Variants in SHROOM4 observed in about 807,000 individuals in gnomAD.
The protein encoded by SHROOM4 is shroom family member 4.
A neutral mutation model predicts 80.3 loss-of-function variants in SHROOM4; 17 were observed. The observed-to-expected ratio is 0.21, with a 90% CI of 0.14 to 0.32. The LOEUF (loss-of-function observed/expected upper bound fraction) is 0.32. Ranked by LOEUF, SHROOM4 falls within the 10% of genes least tolerant of loss-of-function variation. SHROOM4 has a pLI of 1.00. For synonymous variants in SHROOM4, 400 were observed against 437.5 expected (o/e 0.91, Z 1.07); for missense variants, 993 against 1,140.3 (o/e 0.87, Z 1.86).
Position 50,592,586 on chromosome X carries a change from G to A in SHROOM4, c.*4109C>T, listed in dbSNP as rs1173103471. Reference sequence around the variant, plus strand: ...GGAATGTGAACAGAATATGGATCACGAAAAAAGAAAGCTTTTCAATGTCAG... The same window carrying A: ...GGAATGTGAACAGAATATGGATCACAAAAAAAGAAAGCTTTTCAATGTCAG... On this transcript the variant is annotated 3_prime_UTR_variant, in exon 9 of 9. Coordinates refer to ENST00000376020, the MANE Select transcript of SHROOM4 (RefSeq NM_020717.5). 1.6e-5 allele frequency: 2 copies of A among 125,296 alleles called. No homozygotes were observed. Among genetic ancestry groups the A allele is most frequent in the South Asian group, 4.9e-4 (2 of 4,085 alleles). The allele number at this position is 125,296 out of a possible 1,213,427, so 10.3% of individuals were successfully genotyped here. A position where few individuals can be genotyped will look rare whatever the true frequency, so the allele number is the denominator to read the frequency against.
chrX:50,743,619 C>T (rs1333820109), intron 1 of SHROOM4, among the ~76,000 whole-genome samples: 1 of 109,489 alleles, frequency 9.1e-6, no homozygotes, highest in South Asian at 4.1e-4. Context: ...CACTACACCC[C>T]GCTAATTTTA....
chrX:50,641,056 GC>G (rs1476200416), intron 2 of SHROOM4, among the ~76,000 whole-genome samples: 1 of 112,480 alleles, frequency 8.9e-6, no homozygotes, highest in Non-Finnish European at 1.9e-5. Context: ...TGCCTGGAAT[GC>G]CCCCTCTCCT....
intron 5 of SHROOM4, among the ~76,000 whole-genome samples, chrX:50,611,031 T>C (rs1450655459): frequency 1.8e-5 from 2 of 111,248 alleles, no homozygotes; most frequent in East Asian, 5.6e-4. Context: ...AAGGGCCCAT[T>C]GAGTATATTT....
chrX:50,790,298 A>T (rs1935829147), intron 1 of SHROOM4, among the ~76,000 whole-genome samples: 1 of 111,730 alleles, frequency 9.0e-6, no homozygotes, highest in African/African-American at 3.3e-5. Context: ...AAGGAGACTG[A>T]ATTAGTAAAT....
At chrX:50,785,736 T>C (rs1298110956) in intron 1 of SHROOM4, among the ~76,000 whole-genome samples, 1 of 111,484 alleles carries the variant, frequency 9.0e-6, no homozygotes, top group Non-Finnish European at 1.9e-5. Flanking sequence ...ATCTTAATTA[T>C]GGTAATAGTT....
intron 1 of SHROOM4, among the ~76,000 whole-genome samples, chrX:50,804,442 T>TTCATTTCCC (rs1242837081): frequency 1.4e-4 from 16 of 112,067 alleles, no homozygotes; most frequent in African/African-American, 4.5e-4. Flanking sequence ...TGCATCAAAT[T>TTCATTTCCC]TCATTTCCCT....
intron 6 of SHROOM4, among the ~76,000 whole-genome samples, chrX:50,606,216 T>C (rs1487763953): frequency 9.5e-6 from 1 of 105,638 alleles, no homozygotes; most frequent in Non-Finnish European, 1.9e-5. Context: ...TGTCTCCCAA[T>C]GCTATCCCTC....
At chrX:50,610,352 T>TCTCTCTCTCACACACACACACACACACA (rs782591424) in intron 5 of SHROOM4, among the ~76,000 whole-genome samples, 52 of 91,705 alleles carry the variant, frequency 5.7e-4, no homozygotes, top group African/African-American at 2.0e-3. Flanking sequence ...TCTCTCTCTC[T>TCTCTCTCTCACACACACACACACACACA]CACACACACA....
chrX:50,674,645 A>G (rs1932833627), intron 2 of SHROOM4, among the ~76,000 whole-genome samples: 2 of 111,832 alleles, frequency 1.8e-5, no homozygotes, highest in African/African-American at 6.5e-5. Flanking sequence ...AGAAAAAAAT[A>G]GGAGAAAAAA....
chrX:50,789,808 T>G (rs1935819235), intron 1 of SHROOM4, among the ~76,000 whole-genome samples: 1 of 111,954 alleles, frequency 8.9e-6, no homozygotes, highest in South Asian at 3.7e-4. Context: ...AGAGAAGACA[T>G]TACAACTGAT....
chrX:50,697,129 CAG>C (rs1362394879), intron 1 of SHROOM4, among the ~76,000 whole-genome samples: 3 of 111,657 alleles, frequency 2.7e-5, no homozygotes, highest in Non-Finnish European at 5.6e-5. Flanking sequence ...TTTCTAGCCT[CAG>C]GGGCAGAAAT....
rs1165511194 is a variant in SHROOM4 at position 50,755,227 on chromosome X, C to T, written c.117+58675G>A. ...GTATTCAGTAATATCATTTTAGCAA[C>T]TTGAAACTGGCCATGGTGGGAGTAT... On this transcript the variant is annotated intron_variant, in intron 1 of 8. Transcript: ENST00000376020. Among the ~76,000 whole-genome samples, 8 of 112,201 alleles carry T rather than the reference C, an allele frequency of 7.1e-5. No homozygotes were observed. The Admixed American group carries it at 7.6e-4, about 11-fold the overall frequency.
chrX:50,702,888 G>C (rs782517438), intron 1 of SHROOM4, among the ~76,000 whole-genome samples: 3 of 111,840 alleles, frequency 2.7e-5, no homozygotes, highest in African/African-American at 9.7e-5. Flanking sequence ...GTGATAGTGA[G>C]GGAATTCTCA....
intron 2 of SHROOM4, among the ~76,000 whole-genome samples, chrX:50,648,994 G>A (rs1314622684): frequency 1.8e-5 from 2 of 111,792 alleles, no homozygotes; most frequent in East Asian, 2.8e-4. Context: ...GCATAGAGAA[G>A]TGAGTAAGCT....
chrX:50,812,609 AAGGCC>A (rs1936361577), intron 1 of SHROOM4, among the ~76,000 whole-genome samples: 1 of 111,047 alleles, frequency 9.0e-6, no homozygotes, highest in Non-Finnish European at 1.9e-5. Context: ...TGTGGGCCCC[AAGGCC>A]TGAAGGATCC....
intron 5 of SHROOM4, among the ~76,000 whole-genome samples, chrX:50,619,416 A>T (rs1602373865): frequency 9.0e-6 from 1 of 111,725 alleles, no homozygotes; most frequent in South Asian, 3.9e-4. Flanking sequence ...AATATTTGCA[A>T]GATCCAGGAA....
intron 1 of SHROOM4, among the ~76,000 whole-genome samples, chrX:50,726,343 C>G (rs1557265880): frequency 8.9e-6 from 1 of 112,287 alleles, no homozygotes; most frequent in African/African-American, 3.2e-5. Context: ...AAGAGAAAAA[C>G]CCATTTTCTG....
intron 1 of SHROOM4, among the ~76,000 whole-genome samples, chrX:50,778,666 T>C (rs1206139220): frequency 8.9e-6 from 1 of 112,593 alleles, no homozygotes; most frequent in Non-Finnish European, 1.9e-5. Context: ...CATTAAAAAG[T>C]ATTAACTTAA....
At chrX:50,804,255 A>G (rs1183210472) in intron 1 of SHROOM4, among the ~76,000 whole-genome samples, 1 of 111,799 alleles carries the variant, frequency 8.9e-6, no homozygotes, top group Non-Finnish European at 1.9e-5. Context: ...TGAGATAGAG[A>G]GATGAAAATG....
Sources: gnomAD v4.1 joint callset for allele counts (sites outside exome capture counted in the v4.1 genomes callset) on GRCh38, gnomAD v4.1.1 for gene constraint, MANE v1.5 for transcripts, NCBI Gene and HGNC (gene_info 2026-07-23, HGNC 2026-07-21) for gene names.